PICALM: variants seen among roughly 807,000 people sequenced by gnomAD.
PICALM encodes the protein phosphatidylinositol-binding clathrin assembly protein.
Under a neutral mutation model 80.5 loss-of-function variants are expected in PICALM, and 40 were observed. The observed-to-expected ratio is 0.50, with a 90% CI of 0.39 to 0.65. The LOEUF is 0.65. Ranked by LOEUF, PICALM falls within the 30% of genes least tolerant of loss-of-function variation. The probability of loss-of-function intolerance (pLI) is 0.00; values close to 1 mark genes in which losing one functional copy is unlikely to be tolerated. For synonymous variants in PICALM, 288 were observed against 260.3 expected, an observed-to-expected ratio of 1.11 and a Z score of -1.02; for missense variants, 676 against 778.9, an observed-to-expected ratio of 0.87 and a Z score of 1.57.
chr11:85,963,186 C>T (rs2093747561), intron 19 of PICALM, among the ~76,000 whole-genome samples: 1 of 152,080 alleles, frequency 6.6e-6, no homozygotes, highest in African/African-American at 2.4e-5. Context: ...ATTAAAAACA[C>T]AAACCAGCAA....
intron 1 of PICALM, among the ~76,000 whole-genome samples, chr11:86,044,984 G>A (rs1335219981): frequency 6.6e-6 from 1 of 152,210 alleles, no homozygotes; most frequent in Non-Finnish European, 1.5e-5. Context: ...AAGCCACTGA[G>A]TAACAAGTGA....
intron 19 of PICALM, among the ~76,000 whole-genome samples, chr11:85,970,130 A>G: frequency 6.6e-6 from 1 of 152,248 alleles, no homozygotes; most frequent in East Asian, 1.9e-4. Context: ...AGAAGTAAAC[A>G]TGCCAGAGAA....
intron 1 of PICALM, among the ~76,000 whole-genome samples, chr11:86,037,718 G>A (rs1252494024): frequency 6.6e-6 from 1 of 151,782 alleles, no homozygotes; most frequent in Non-Finnish European, 1.5e-5. Context: ...AGTTATGTAT[G>A]TGTAATATTT....
intron 1 of PICALM, among the ~76,000 whole-genome samples, chr11:86,061,700 G>A (rs1298019516): frequency 2.0e-5 from 3 of 152,154 alleles, no homozygotes; most frequent in Non-Finnish European, 4.4e-5. Context: ...GAGGTTTCTT[G>A]CAAAACTAAA....
intron 19 of PICALM, chr11:85,960,802 G>T: frequency 9.3e-7 from 1 of 1,079,220 alleles, no homozygotes; most frequent in Non-Finnish European, 1.2e-6. Context: ...GACAGAGAGA[G>T]GGAAAGAAAA....
At chr11:86,050,776 A>G (rs911732164) in intron 1 of PICALM, among the ~76,000 whole-genome samples, 23 of 152,310 alleles carry the variant, frequency 1.5e-4, no homozygotes, top group African/African-American at 5.5e-4. Flanking sequence ...GGCAACACAT[A>G]TAAGACAATT....
At chr11:85,960,772 C>T (rs1028819524) in intron 19 of PICALM, 3 of 1,279,516 alleles carry the variant, frequency 2.3e-6, no homozygotes, top group Middle Eastern at 2.1e-4. Flanking sequence ...TGGATGCTGC[C>T]GACAGCTGGG....
rs1805099627 is a variant in PICALM, at chr11:86,022,481, C to A, written c.350-12G>T. On this transcript the variant is annotated splice_polypyrimidine_tract_variant and intron_variant, in intron 3 of 19. Transcript: ENST00000393346. ...AGACATGTCATATCCTGTAAAAAAA[C>A]AAAAACAAAAACAAAACAAAGAGAG... 8 of 1,287,716 alleles carry A rather than the reference C, an allele frequency of 6.2e-6. No homozygotes were observed. Among genetic ancestry groups the A allele is most frequent in the South Asian group, 1.5e-5 (1 of 68,294 alleles). 79.8% of individuals were successfully genotyped at this position (1,287,716 alleles called of 1,614,324 possible). A position where few individuals can be genotyped will look rare whatever the true frequency, so the allele number is the denominator to read the frequency against.
intron 1 of PICALM, among the ~76,000 whole-genome samples, chr11:86,038,333 C>T (rs891732719): frequency 5.3e-5 from 8 of 150,886 alleles, no homozygotes; most frequent in Non-Finnish European, 1.2e-4. Context: ...AAAAATTAAA[C>T]AAAACAAAAC....
At chr11:86,037,284 G>A (rs1450736689) in intron 1 of PICALM, among the ~76,000 whole-genome samples, 1 of 132,662 alleles carries the variant, frequency 7.5e-6, no homozygotes, top group East Asian at 2.1e-4. Flanking sequence ...TTTTGAGACG[G>A]AGTCTCACTC....
chr11:86,025,507 G>T (rs1228141457), intron 3 of PICALM, among the ~76,000 whole-genome samples: 1 of 151,674 alleles, frequency 6.6e-6, no homozygotes, highest in Non-Finnish European at 1.5e-5. Context: ...TACATTTCTT[G>T]GAATGAAACA....
At chr11:85,960,629 G>A in intron 19 of PICALM, 1 of 789,238 alleles carries the variant, frequency 1.3e-6, no homozygotes, top group Non-Finnish European at 1.9e-6. Context: ...TTTGGTAATT[G>A]TTTTTAAGTA....
intron 2 of PICALM, among the ~76,000 whole-genome samples, chr11:86,027,767 C>T (rs900205945): frequency 2.0e-5 from 3 of 152,086 alleles, no homozygotes; most frequent in South Asian, 2.1e-4. Context: ...GCAATCCTCC[C>T]GCCTTGGCCC....
At chr11:86,063,212 ACAT>A (rs1258213182) in intron 1 of PICALM, among the ~76,000 whole-genome samples, 3 of 152,350 alleles carry the variant, frequency 2.0e-5, no homozygotes, top group African/African-American at 7.2e-5. Flanking sequence ...TGTTTTTTAA[ACAT>A]CAAAGTAAAT....
intron 1 of PICALM, among the ~76,000 whole-genome samples, chr11:86,038,285 C>T (rs2095878537): frequency 6.6e-6 from 1 of 151,940 alleles, no homozygotes; most frequent in Non-Finnish European, 1.5e-5. Context: ...ACAGCCATAG[C>T]ACTCCAACCT....
chr11:85,974,069 GCAA>G (rs925519513), intron 19 of PICALM, among the ~76,000 whole-genome samples: 2 of 151,850 alleles, frequency 1.3e-5, no homozygotes, highest in African/African-American at 4.8e-5. Context: ...TTCTTCTAAT[GCAA>G]CAATAATGGG....
At chr11:85,978,144 A>G (rs1242125167) in intron 17 of PICALM, 8 of 1,440,632 alleles carry the variant, frequency 5.6e-6, no homozygotes, top group Non-Finnish European at 7.8e-6. Context: ...CTGGATTAGA[A>G]CAAGTACTTA....
chr11:85,984,720 G>A (rs2094529521), intron 13 of PICALM, among the ~76,000 whole-genome samples: 2 of 152,080 alleles, frequency 1.3e-5, no homozygotes, highest in Non-Finnish European at 2.9e-5. Flanking sequence ...TTTCTTGCCT[G>A]CGTTACACTA....
At chr11:86,065,866 G>A (rs1159311968) in intron 1 of PICALM, among the ~76,000 whole-genome samples, 1 of 152,158 alleles carries the variant, frequency 6.6e-6, no homozygotes, top group Non-Finnish European at 1.5e-5. Context: ...ACTTCCTAAT[G>A]TGGAAAGATC....
Sources: gnomAD v4.1 joint callset for allele counts (sites outside exome capture counted in the v4.1 genomes callset) on GRCh38, gnomAD v4.1.1 for gene constraint, MANE v1.5 for transcripts, NCBI Gene and HGNC (gene_info 2026-07-23, HGNC 2026-07-21) for gene names.